Variants in MFSD1 observed in about 807,000 individuals in gnomAD.
MFSD1 encodes lysosomal dipeptide transporter MFSD1.
MFSD1 carries 59 observed loss-of-function variants against 67.1 expected under a neutral mutation model. That is an observed-to-expected ratio of 0.88 (90% CI 0.71 to 1.09). MFSD1 has a LOEUF of 1.09. MFSD1 is among the 50% of genes least tolerant of loss of function. The pLI, the probability that MFSD1 is intolerant of heterozygous loss-of-function variation, is 0.00. For synonymous variants in MFSD1, 213 were observed against 200.3 expected (o/e 1.06, Z -0.54); for missense variants, 552 against 566.1 (o/e 0.97, Z 0.25).
intron 7 of MFSD1, among the ~76,000 whole-genome samples, chr3:158,817,664 G>T (rs1424948886): frequency 6.6e-6 from 1 of 152,170 alleles, no homozygotes. Flanking sequence ...CATGAAAATG[G>T]CCATACTGCC....
intron 7 of MFSD1, among the ~76,000 whole-genome samples, chr3:158,817,340 C>A (rs1322006992): frequency 6.6e-6 from 1 of 152,068 alleles, no homozygotes; most frequent in African/African-American, 2.4e-5. Context: ...GATTGTATAT[C>A]TAGAAAACCC....
At chr3:158,827,939 AGAGGGG>A (rs766372967) in intron 15 of MFSD1, among the ~76,000 whole-genome samples, 1,138 of 32,374 alleles carry the variant, frequency 0.035, 44 homozygotes, top group Non-Finnish European at 0.044. Context: ...AGAGAGAGAG[AGAGGGG>A]GAGAGAGAGA....
In MFSD1 at chr3:158,820,614, A is replaced by C. The variant is rs140910500; in HGVS notation, c.863+288A>C. Among the ~76,000 whole-genome samples the C allele has an allele frequency of 1.1e-3, 171 of 152,318 alleles. 1 individual carries two copies. The East Asian group carries it at 0.021, about 19-fold the overall frequency. ...TTTATAAAGGAAAAAGATTTAATTG[A>C]CTCACAGTTCCATAGGGCTGGGAAG... On this transcript the variant is annotated intron_variant, in intron 9 of 15. Coordinates refer to ENST00000415822, the MANE Select transcript of MFSD1 (RefSeq NM_022736.4).
At chr3:158,816,374 T>A (rs1391176047) in intron 7 of MFSD1, among the ~76,000 whole-genome samples, 1 of 152,142 alleles carries the variant, frequency 6.6e-6, no homozygotes, top group Non-Finnish European at 1.5e-5. Flanking sequence ...TATCTCATTG[T>A]GGTTTTGATT....
At chr3:158,827,112 T>C (rs369402694) in intron 14 of MFSD1, among the ~76,000 whole-genome samples, 168 bp from the exon 15 acceptor site, 2 of 152,194 alleles carry the variant, frequency 1.3e-5, no homozygotes, top group South Asian at 4.1e-4. Context: ...TTTTTTCCCT[T>C]TGGGAAGGTT....
chr3:158,818,005 A>G (rs992086776), intron 7 of MFSD1, among the ~76,000 whole-genome samples: 32 of 152,088 alleles, frequency 2.1e-4, no homozygotes, highest in Non-Finnish European at 2.4e-4. Context: ...TCTCTTAGCT[A>G]TGGCTCCATG....
At chr3:158,802,507 C>G (rs1463804703) in intron 1 of MFSD1, 192 bp downstream of exon 1, 11 of 771,982 alleles carry the variant, frequency 1.4e-5, no homozygotes, top group South Asian at 1.3e-4. Flanking sequence ...TACTCCGCGT[C>G]CGGAACGTGG....
chr3:158,804,538 G>T (rs554812783), intron 2 of MFSD1, among the ~76,000 whole-genome samples, 167 bp downstream of exon 2: 2 of 152,182 alleles, frequency 1.3e-5, no homozygotes, highest in Non-Finnish European at 2.9e-5. Context: ...AAGTTGAAAT[G>T]AGTTACCACA....
intron 11 of MFSD1, 122 bp from the exon 12 acceptor site, chr3:158,823,305 AC>A: frequency 1.4e-6 from 1 of 708,248 alleles, no homozygotes; most frequent in Admixed American, 2.1e-5. Context: ...TAGCCTAATA[AC>A]AACAAAATTT....
At chr3:158,820,696 G>A (rs576934599) in intron 9 of MFSD1, among the ~76,000 whole-genome samples, 3 of 152,280 alleles carry the variant, frequency 2.0e-5, no homozygotes, top group African/African-American at 7.2e-5. Context: ...TCATTCACAT[G>A]GTGGCAGGAG....
At chr3:158,803,155 T>A (rs966572814) in intron 1 of MFSD1, among the ~76,000 whole-genome samples, 4 of 152,300 alleles carry the variant, frequency 2.6e-5, no homozygotes, top group Admixed American at 6.5e-5. Context: ...TAGAAAAAAA[T>A]TTTCCTTCCT....
chr3:158,811,523 T>C (rs1039253846), intron 6 of MFSD1, among the ~76,000 whole-genome samples: 1 of 152,136 alleles, frequency 6.6e-6, no homozygotes, highest in Non-Finnish European at 1.5e-5. Context: ...ATGATGTCAA[T>C]TGACCAAGCC....
At chr3:158,805,131 A>C (rs535824458) in intron 2 of MFSD1, among the ~76,000 whole-genome samples, 17 of 152,258 alleles carry the variant, frequency 1.1e-4, no homozygotes, top group Non-Finnish European at 2.2e-4. Flanking sequence ...ATGGCATGTG[A>C]ACTCAAGAAG....
chr3:158,820,134 T>A (rs1389874476), intron 8 of MFSD1, 81 bp from the exon 9 acceptor site: 1 of 733,908 alleles, frequency 1.4e-6, no homozygotes, highest in Non-Finnish European at 2.3e-6. Flanking sequence ...CACAAGATTT[T>A]AAAAAATAAT....
At chr3:158,803,328 G>A (rs1048008332) in intron 1 of MFSD1, among the ~76,000 whole-genome samples, 2 of 152,156 alleles carry the variant, frequency 1.3e-5, no homozygotes, top group African/African-American at 4.8e-5. Flanking sequence ...AGGATGCTTT[G>A]GGCTTTGGTT....
intron 7 of MFSD1, among the ~76,000 whole-genome samples, chr3:158,816,530 A>T (rs1730356537): frequency 1.3e-5 from 2 of 151,564 alleles, no homozygotes; most frequent in African/African-American, 4.9e-5. Flanking sequence ...GTTTGAGTTC[A>T]TTGTAGATTC....
chr3:158,807,071 T>C lies in MFSD1; in HGVS notation c.361T>C (p.Cys121Arg). 1 of 1,612,536 alleles carries C rather than the reference T, an allele frequency of 6.2e-7. No homozygotes were observed. Among genetic ancestry groups the C allele is most frequent in the Non-Finnish European group, 8.5e-7 (1 of 1,179,178 alleles). The change falls in exon 4 of 16, where the codon TGC becomes CGC. Residue 121 changes from cysteine to arginine, a missense_variant. Cys to Arg is a radical substitution (Grantham distance 180). Coordinates refer to ENST00000415822, the MANE Select transcript of MFSD1 (RefSeq NM_022736.4). ...WGTIIFSCFVCIGQVVFALGG... is the reference protein window; with the variant it reads ...WGTIIFSCFVRIGQVVFALGG... Reference sequence around the variant, plus strand: ...CACAATCATTTTTAGCTGCTTTGTTTGCATTGGACAGGTAAGGAAGGCCAA... The same window carrying C: ...CACAATCATTTTTAGCTGCTTTGTTCGCATTGGACAGGTAAGGAAGGCCAA...
At chr3:158,809,763 G>A (rs1320594080) in intron 6 of MFSD1, among the ~76,000 whole-genome samples, 1 of 152,128 alleles carries the variant, frequency 6.6e-6, no homozygotes, top group Admixed American at 6.5e-5. Context: ...TTTGCTCTCT[G>A]TAGATAAAGT....
At chr3:158,827,636 G>A (rs1731053152) in intron 15 of MFSD1, among the ~76,000 whole-genome samples, 2 of 151,888 alleles carry the variant, frequency 1.3e-5, no homozygotes, top group Middle Eastern at 3.2e-3. Flanking sequence ...GGCTGGTCTA[G>A]AACTCCTGGG....
Sources: allele counts gnomAD v4.1 joint callset (sites outside exome capture counted in the v4.1 genomes callset), GRCh38; gene constraint gnomAD v4.1.1; transcripts MANE v1.5; gene names NCBI Gene and HGNC (gene_info 2026-07-23, HGNC 2026-07-21).